The following HNF4G variants were observed in gnomAD, a reference collection of about 807,000 sequenced individuals.
HNF4G encodes the protein hepatocyte nuclear factor 4-gamma.
HNF4G carries 21 observed loss-of-function variants against 50.9 expected under a neutral mutation model. That is an observed-to-expected ratio of 0.41 (90% CI 0.29 to 0.59). The LOEUF (loss-of-function observed/expected upper bound fraction) is 0.59. Among genes scored for constraint, HNF4G ranks in the 20% least tolerant of loss-of-function variants. HNF4G has a pLI of 0.26. For missense variants in HNF4G, 527 were observed against 559.4 expected (o/e 0.94, Z 0.58); for synonymous variants, 198 against 185.6 (o/e 1.07, Z -0.54).
Position 75,545,656 on chromosome 8 carries a change from T to G in HNF4G, c.287+1677T>G, listed in dbSNP as rs142610748. Among the ~76,000 whole-genome samples the G allele has an allele frequency of 4.8e-3, 736 of 152,236 alleles. 5 individuals are homozygous for G. Among genetic ancestry groups the G allele is most frequent in the Admixed American group, 0.013 (191 of 15,270 alleles). Reference sequence around the variant, plus strand: ...TTCTACTGTAACTGCTCCATCAAACTGAGGTTGGGATTTCCTTCAAAAGCA... The same window carrying G: ...TTCTACTGTAACTGCTCCATCAAACGGAGGTTGGGATTTCCTTCAAAAGCA... On this transcript the variant is annotated intron_variant, in intron 2 of 9. Transcript: ENST00000396423.
intron 1 of HNF4G, among the ~76,000 whole-genome samples, chr8:75,455,008 A>G (rs1356870057): frequency 6.6e-6 from 1 of 152,224 alleles, no homozygotes; most frequent in Non-Finnish European, 1.5e-5. Context: ...ATTCATATAT[A>G]AAAATTAAGA....
chr8:75,552,526 T>C (rs1454948390), intron 4 of HNF4G, among the ~76,000 whole-genome samples: 2 of 152,298 alleles, frequency 1.3e-5, no homozygotes, highest in African/African-American at 4.8e-5. Flanking sequence ...CATTGGTTTT[T>C]TAATTTAATT....
In HNF4G at chr8:75,500,281, C is replaced by T. The variant is rs1018124336; in HGVS notation, c.-24+10073C>T. On this transcript the variant is annotated intron_variant, in intron 2 of 10. Coordinates refer to the HNF4G transcript ENST00000354370. ...AAGCACATGAAAAAATGTCCAACATCGTTAGTCATTAGGAAAATGCAATTT... is the reference window on the plus strand; with the variant it reads ...AAGCACATGAAAAAATGTCCAACATTGTTAGTCATTAGGAAAATGCAATTT... Among the ~76,000 whole-genome samples the T allele has an allele frequency of 2.0e-5, 3 of 152,168 alleles. No individual in the cohort carries two copies. In the South Asian group the frequency reaches 6.2e-4, roughly 32 times the overall value.
At chr8:75,472,724 C>A (rs548194517) in intron 1 of HNF4G, among the ~76,000 whole-genome samples, 1 of 152,048 alleles carries the variant, frequency 6.6e-6, no homozygotes, top group African/African-American at 2.4e-5. Flanking sequence ...TAAGAAGAGA[C>A]GGGCATGGAT....
intron 1 of HNF4G, among the ~76,000 whole-genome samples, chr8:75,479,308 A>G (rs1812316922): frequency 6.6e-6 from 1 of 152,204 alleles, no homozygotes; most frequent in South Asian, 2.1e-4. Context: ...TATGGTACCA[A>G]TCAAATCTTT....
chr8:75,543,026 G>T (rs942907188), intron 1 of HNF4G, among the ~76,000 whole-genome samples: 1 of 152,054 alleles, frequency 6.6e-6, no homozygotes, highest in African/African-American at 2.4e-5. Flanking sequence ...GGCCAACATG[G>T]TGAAACCCCG....
chr8:75,520,640 G>T (rs989799454), intron 2 of HNF4G, among the ~76,000 whole-genome samples: 1 of 151,782 alleles, frequency 6.6e-6, no homozygotes, highest in African/African-American at 2.4e-5. Context: ...GTTTTGCCAC[G>T]ATGCCCAGGC....
rs1219412712 is a variant in HNF4G, at chr8:75,564,975, G to A, written c.*879G>A. On this transcript the variant is annotated 3_prime_UTR_variant, in exon 10 of 10. Coordinates refer to ENST00000396423, the MANE Select transcript of HNF4G (RefSeq NM_004133.5). ...CAGCCAAAGCCATGTCACTCTGAGA[G>A]AACTGATTCTGAGGACAAGTTAGCC... 1 of 152,152 alleles carries A rather than the reference G, an allele frequency of 6.6e-6. No homozygotes were observed. Among genetic ancestry groups the A allele is most frequent in the Non-Finnish European group, 1.5e-5 (1 of 68,028 alleles). The allele number at this position is 152,152 out of a possible 1,614,324, so 9.4% of individuals were successfully genotyped here. A position where few individuals can be genotyped will look rare whatever the true frequency, so the allele number is the denominator to read the frequency against.
intron 1 of HNF4G, among the ~76,000 whole-genome samples, chr8:75,467,662 A>C (rs533914198): frequency 1.6e-4 from 19 of 116,390 alleles, no homozygotes; most frequent in African/African-American, 5.4e-4. Flanking sequence ...CTGTCTCAGG[A>C]AAAAAAAAAA....
intron 1 of HNF4G, among the ~76,000 whole-genome samples, chr8:75,477,108 C>T (rs1037341399): frequency 1.3e-5 from 2 of 152,132 alleles, no homozygotes; most frequent in Admixed American, 6.5e-5. Flanking sequence ...TTGATAACAC[C>T]TTCAGCAGAG....
At chr8:75,512,024 T>A (rs1316519820) in intron 2 of HNF4G, among the ~76,000 whole-genome samples, 2 of 152,214 alleles carry the variant, frequency 1.3e-5, no homozygotes, top group Non-Finnish European at 2.9e-5. Context: ...AGGAATACAA[T>A]AGATAATTAT....
At position 75,560,402 on chromosome 8, in the gene HNF4G, C is replaced by T. The variant is rs2130817296; in HGVS notation, c.1182C>T (p.Asp394=). The change falls in exon 9 of 10, where the codon GAC becomes GAT. Residue 394 remains aspartate (D), a synonymous_variant. Transcript: ENST00000396423. The stretch of plus-strand genomic sequence containing the variant: ...CAATGCATCCACATTTGTCTCAAGA[C>T]CCATTAACTGGACAAACTATACTTT... ...HHPMHPHLSQ[D]PLTGQTILLG... 2 of 1,612,954 alleles carry T rather than the reference C, an allele frequency of 1.2e-6. No homozygotes were observed. The highest frequency in any genetic ancestry group is 1.7e-6 in the Non-Finnish European group (2 of 1,179,098).
intron 2 of HNF4G, among the ~76,000 whole-genome samples, chr8:75,525,130 T>C (rs1806144063): frequency 6.6e-6 from 1 of 152,132 alleles, no homozygotes; most frequent in Non-Finnish European, 1.5e-5. Flanking sequence ...CAAAGAGTTG[T>C]CACTGTCTTG....
intron 1 of HNF4G, among the ~76,000 whole-genome samples, chr8:75,418,103 A>G (rs1302049967): frequency 2.0e-5 from 3 of 152,164 alleles, no homozygotes; most frequent in Non-Finnish European, 4.4e-5. Context: ...CTAGAAATTT[A>G]AGATTAAGGT....
At chr8:75,432,069 G>T (rs1811028721) in intron 1 of HNF4G, among the ~76,000 whole-genome samples, 1 of 151,886 alleles carries the variant, frequency 6.6e-6, no homozygotes, top group Admixed American at 6.6e-5. Flanking sequence ...GCCACATAGG[G>T]ACACCCCATC....
chr8:75,427,850 G>T (rs987155988), intron 1 of HNF4G, among the ~76,000 whole-genome samples: 1 of 151,944 alleles, frequency 6.6e-6, no homozygotes, highest in Non-Finnish European at 1.5e-5. Flanking sequence ...TTTTATTAAT[G>T]CAAGTGAACC....
At chr8:75,461,234 C>A (rs2672860) in intron 1 of HNF4G, among the ~76,000 whole-genome samples, 2 of 152,016 alleles carry the variant, frequency 1.3e-5, no homozygotes, top group African/African-American at 4.8e-5. Context: ...AAGGTGTCAA[C>A]AGGGGTGCAT....
intron 1 of HNF4G, among the ~76,000 whole-genome samples, chr8:75,471,243 T>C (rs1324489700): frequency 6.6e-6 from 1 of 152,186 alleles, no homozygotes; most frequent in Non-Finnish European, 1.5e-5. Context: ...ATTATTCTAC[T>C]GCCAGTAGGG....
intron 1 of HNF4G, among the ~76,000 whole-genome samples, chr8:75,486,303 A>C (rs1372856282): frequency 1.3e-5 from 2 of 152,166 alleles, no homozygotes; most frequent in Non-Finnish European, 2.9e-5. Context: ...TTAAAGTATA[A>C]GTCTCCATTG....
Sources: gnomAD v4.1 joint callset for allele counts (sites outside exome capture counted in the v4.1 genomes callset) on GRCh38, gnomAD v4.1.1 for gene constraint, MANE v1.5 for transcripts, NCBI Gene and HGNC (gene_info 2026-07-23, HGNC 2026-07-21) for gene names.